Variants in ANKDD1B observed in about 807,000 individuals in gnomAD.
The protein encoded by ANKDD1B is ankyrin repeat and death domain-containing protein 1B.
Under a neutral mutation model 59.7 loss-of-function variants are expected in ANKDD1B, and 57 were observed. The observed-to-expected ratio is 0.95, with a 90% confidence interval of 0.77 to 1.19. ANKDD1B has a LOEUF of 1.19. ANKDD1B is among the 50% of genes most tolerant of loss of function. ANKDD1B has a pLI of 0.00. For synonymous variants in ANKDD1B, 216 were observed against 239.5 expected, an observed-to-expected ratio of 0.90 and a Z score of 0.91; for missense variants, 602 against 641.9, an observed-to-expected ratio of 0.94 and a Z score of 0.67.
rs143393357 is a variant in ANKDD1B, at chr5:75,659,266, C to A, written c.997-17C>A. 3.9e-6 allele frequency: 6 copies of A among 1,528,268 alleles called. No individual in the cohort carries two copies. In the East Asian group the frequency reaches 1.5e-4, roughly 37 times the overall value. 94.7% of individuals were successfully genotyped at this position (1,528,268 alleles called of 1,614,324 possible). ...TTTCACCGTCCAAGTTTGTTCCCCT[C>A]CTTAATTTCATGGCAGAAGCAGCAA... On this transcript the variant is annotated splice_polypyrimidine_tract_variant and intron_variant, in intron 9 of 13. Transcript: ENST00000601380.
Position 75,670,853 on chromosome 5 carries a change from T to C in ANKDD1B, c.1526-126T>C, listed in dbSNP as rs1266896098. On this transcript the variant is annotated intron_variant, in intron 13 of 13. Coordinates refer to ENST00000601380, the MANE Select transcript of ANKDD1B (RefSeq NM_001276713.2). ...TGTGACAACCTTCTCATTTATTAAC[T>C]AGGAAAGAAAATAAAAATGTTTACT... is the stretch of plus-strand genomic sequence containing the variant. The C allele has an allele frequency of 3.6e-5, 14 of 392,358 alleles. No individual in the cohort carries two copies. In the East Asian group the frequency reaches 5.2e-4, roughly 15 times the overall value. The allele number at this position is 392,358 out of a possible 1,614,324, so 24.3% of individuals were successfully genotyped here. A position where few individuals can be genotyped will look rare whatever the true frequency, so the allele number is the denominator to read the frequency against.
intron 7 of ANKDD1B, 31 bp from the exon 8 acceptor site, chr5:75,653,111 T>C: frequency 1.4e-6 from 2 of 1,404,894 alleles, no homozygotes; most frequent in African/African-American, 1.4e-5. Context: ...TAATGAGAGT[T>C]CCTCCTTGCC....
chr5:75,634,773 C>A, intron 5 of ANKDD1B, 125 bp from the exon 6 acceptor site: 1 of 618,708 alleles, frequency 1.6e-6, no homozygotes, highest in Non-Finnish European at 2.8e-6. Context: ...ATAGCATCAT[C>A]TTCCTCCCTG....
intron 13 of ANKDD1B, among the ~76,000 whole-genome samples, chr5:75,670,666 T>C (rs887612472): frequency 1.3e-5 from 2 of 152,330 alleles, no homozygotes; most frequent in South Asian, 4.1e-4. Context: ...AAATGTATTC[T>C]TCCTATGAAA....
In ANKDD1B at chr5:75,654,427, C is replaced by T. The variant is rs117022363; in HGVS notation, c.897+1187C>T. 7.6e-4 allele frequency among the ~76,000 whole-genome samples: 115 copies of T among 152,288 alleles called. 1 individual carries two copies. The East Asian group carries it at 8.7e-3, about 11-fold the overall frequency. On this transcript the variant is annotated intron_variant, in intron 8 of 13. Coordinates refer to ENST00000601380, the MANE Select transcript of ANKDD1B (RefSeq NM_001276713.2). ...GAGATCAAATGTCTAGGGTTATTGACGTGATTTTTGAAAAACTGTCAGCCT... is the reference window on the plus strand; with the variant it reads ...GAGATCAAATGTCTAGGGTTATTGATGTGATTTTTGAAAAACTGTCAGCCT...
At chr5:75,611,952 C>G (rs560205556) in intron 1 of ANKDD1B, 125 bp downstream of exon 1, 1 of 768,922 alleles carries the variant, frequency 1.3e-6, no homozygotes, top group Non-Finnish European at 1.8e-6. Context: ...GGCGACTCAG[C>G]CCTGGGACCC....
intron 9 of ANKDD1B, among the ~76,000 whole-genome samples, chr5:75,658,746 T>C (rs899848786): frequency 1.3e-5 from 2 of 152,238 alleles, no homozygotes; most frequent in African/African-American, 4.8e-5. Context: ...CAAAAGCGTC[T>C]TTTATTTTTA....
chr5:75,669,149 G>T (rs561234724), intron 12 of ANKDD1B, 103 bp from the exon 13 acceptor site: 1 of 1,143,154 alleles, frequency 8.7e-7, no homozygotes, highest in Non-Finnish European at 1.1e-6. Context: ...AGAGGAACAG[G>T]CAAGCAAACA....
At chr5:75,661,682 G>T (rs1367313227) in intron 10 of ANKDD1B, among the ~76,000 whole-genome samples, 1 of 151,974 alleles carries the variant, frequency 6.6e-6, no homozygotes, top group Non-Finnish European at 1.5e-5. Context: ...TTATGTTGGG[G>T]TCCCTGCTGC....
intron 7 of ANKDD1B, among the ~76,000 whole-genome samples, chr5:75,638,848 A>T (rs553661320): frequency 6.6e-6 from 1 of 152,152 alleles, no homozygotes; most frequent in African/African-American, 2.4e-5. Context: ...TCCTCTGCAT[A>T]TATGTACAAT....
chr5:75,657,713 C>G (rs1775012330), intron 9 of ANKDD1B, among the ~76,000 whole-genome samples: 1 of 151,776 alleles, frequency 6.6e-6, no homozygotes, highest in Non-Finnish European at 1.5e-5. Flanking sequence ...TTGAGACAAG[C>G]CTGGCCAATA....
chr5:75,634,718 A>C, intron 5 of ANKDD1B, 180 bp from the exon 6 acceptor site: 1 of 534,954 alleles, frequency 1.9e-6, no homozygotes, highest in South Asian at 2.4e-5. Context: ...AGTCTCCCAC[A>C]GTTTTGAGTG....
rs529570814 is a variant in ANKDD1B, at chr5:75,632,106, CAAA to C, written c.601-2777_601-2775del. ...TGGGCAACAGAGCAAAACTCTGTCT[CAAA>C]AAAAAAAAAAAAAAGAAGAAAAAGA... On this transcript the variant is annotated intron_variant, in intron 5 of 13. Coordinates refer to ENST00000601380, the MANE Select transcript of ANKDD1B (RefSeq NM_001276713.2). Among the ~76,000 whole-genome samples the C allele has an allele frequency of 3.3e-4, 25 of 76,830 alleles. No homozygotes were observed. In the South Asian group the frequency reaches 5.6e-3, roughly 17 times the overall value. 50.4% of individuals were successfully genotyped at this position (76,830 alleles called of 152,430 possible).
rs1250190839 is a variant in ANKDD1B, at chr5:75,611,611, C to T, written c.-24C>T. The T allele has an allele frequency of 5.7e-6, 7 of 1,229,096 alleles. No homozygotes were observed. In the East Asian group the frequency reaches 1.6e-4, roughly 28 times the overall value. The allele number at this position is 1,229,096 out of a possible 1,614,324, so 76.1% of individuals were successfully genotyped here. ...GGGTCCGAGTCTGGGTCTGGCCCTG[C>T]GCTCAGGGCCCGCGGAGGAGACTAT... On this transcript the variant is annotated 5_prime_UTR_variant, in exon 1 of 14. Transcript: ENST00000601380.
Position 75,671,168 on chromosome 5 carries a change from A to C in ANKDD1B, c.*128A>C, listed in dbSNP as rs1775471818. 2.4e-6 allele frequency: 1 copy of C among 411,782 alleles called. No individual in the cohort carries two copies. Among genetic ancestry groups the C allele is most frequent in the Non-Finnish European group, 4.2e-6 (1 of 240,624 alleles). 25.5% of individuals were successfully genotyped at this position (411,782 alleles called of 1,614,324 possible). On this transcript the variant is annotated 3_prime_UTR_variant, in exon 14 of 14. Coordinates refer to ENST00000601380, the MANE Select transcript of ANKDD1B (RefSeq NM_001276713.2). The stretch of plus-strand genomic sequence containing the variant: ...TGGTGGTGACAGGGAACTCTAACAG[A>C]TGAAAGAAGAGTAATACCATGATAC...
chr5:75,648,360 C>A (rs1174078951), intron 7 of ANKDD1B, among the ~76,000 whole-genome samples: 3 of 151,666 alleles, frequency 2.0e-5, no homozygotes, highest in Non-Finnish European at 4.4e-5. Flanking sequence ...TACACAGGTG[C>A]CTCCTTGTCC....
At position 75,649,817 on chromosome 5, in the gene ANKDD1B, A is replaced by G. The variant is rs987241441; in HGVS notation, c.799-3325A>G. Reference sequence around the variant, plus strand: ...TAACAACATCTAGAATCTAAAAAGCAGATTTAATTTAAGTCCACTGATCTG... The same window carrying G: ...TAACAACATCTAGAATCTAAAAAGCGGATTTAATTTAAGTCCACTGATCTG... On this transcript the variant is annotated intron_variant, in intron 7 of 13. Coordinates refer to ENST00000601380, the MANE Select transcript of ANKDD1B (RefSeq NM_001276713.2). Among the ~76,000 whole-genome samples, 5 of 152,354 alleles carry G rather than the reference A, an allele frequency of 3.3e-5. No homozygotes were observed. In the East Asian group the frequency reaches 9.6e-4, roughly 29 times the overall value.
At chr5:75,660,209 C>T (rs555389317) in intron 10 of ANKDD1B, among the ~76,000 whole-genome samples, 3 of 152,300 alleles carry the variant, frequency 2.0e-5, no homozygotes, top group African/African-American at 7.2e-5. Context: ...AAACTTTCAT[C>T]TTGCAAAAGT....
intron 2 of ANKDD1B, 143 bp from the exon 3 acceptor site, chr5:75,620,172 C>G (rs917519823): frequency 5.2e-6 from 3 of 572,012 alleles, no homozygotes; most frequent in Non-Finnish European, 9.3e-6. Context: ...ATTCTCATAA[C>G]TTTCAAAGGT....
Sources: allele counts gnomAD v4.1 joint callset (sites outside exome capture counted in the v4.1 genomes callset), GRCh38; gene constraint gnomAD v4.1.1; transcripts MANE v1.5; gene names NCBI Gene and HGNC (gene_info 2026-07-23, HGNC 2026-07-21).